SOS1: variants seen among roughly 807,000 people sequenced by gnomAD.
SOS1 encodes the protein SOS Ras/Rac guanine nucleotide exchange factor 1.
SOS1 carries 25 observed loss-of-function variants against 157.6 expected under a neutral mutation model. The ratio of observed to expected loss-of-function variants is 0.16; its 90% CI spans 0.12 to 0.22. The LOEUF (loss-of-function observed/expected upper bound fraction) is 0.22. Ranked by LOEUF, SOS1 falls within the 10% of genes least tolerant of loss-of-function variation. SOS1 has a pLI of 1.00. For missense variants in SOS1, 1,237 were observed against 1,599.1 expected, an observed-to-expected ratio of 0.77 and a Z score of 3.86; for synonymous variants, 528 against 534.0, an observed-to-expected ratio of 0.99 and a Z score of 0.16.
intron 20 of SOS1, among the ~76,000 whole-genome samples, chr2:38,989,687 T>C (rs1668672098): frequency 6.6e-6 from 1 of 152,174 alleles, no homozygotes; most frequent in East Asian, 1.9e-4. Context: ...GTGAAACAAG[T>C]AATAAGTTTA....
Position 38,983,069 on chromosome 2 carries a change from G to A in SOS1, c.*2755C>T, listed in dbSNP as rs1477187619. 1.3e-5 allele frequency: 2 copies of A among 152,052 alleles called. No individual in the cohort carries two copies. The highest frequency in any genetic ancestry group is 2.9e-5 in the Non-Finnish European group (2 of 67,998). The allele number at this position is 152,052 out of a possible 1,614,324, so 9.4% of individuals were successfully genotyped here. On this transcript the variant is annotated 3_prime_UTR_variant, in exon 23 of 23. Transcript: ENST00000402219. ...AATGTATGTTTCCTGATAATGTGTA[G>A]TCTTAAAATACATCAGCCTTGAAAT...
rs551089227 is a variant in SOS1, at chr2:39,021,495, A to G, written c.1858+1075T>C. 3.4e-5 allele frequency among the ~76,000 whole-genome samples: 5 copies of G among 148,180 alleles called. No individual in the cohort carries two copies. The East Asian group carries it at 1.0e-3, about 30-fold the overall frequency. On this transcript the variant is annotated intron_variant, in intron 10 of 22. Coordinates refer to ENST00000402219, the MANE Select transcript of SOS1 (RefSeq NM_005633.4). ...TCACTGACTTGTGACAGTAAACACT[A>G]GTAGTAAGTCTTCTTACAATGCTCT...
intron 1 of SOS1, among the ~76,000 whole-genome samples, chr2:39,094,686 CT>C (rs1672710823): frequency 6.7e-6 from 1 of 148,390 alleles, no homozygotes; most frequent in South Asian, 2.1e-4. Context: ...TAAATAAAGA[CT>C]GTGAGGGGGT....
At chr2:39,083,039 C>T (rs1445645580) in intron 1 of SOS1, among the ~76,000 whole-genome samples, 1 of 152,058 alleles carries the variant, frequency 6.6e-6, no homozygotes, top group Non-Finnish European at 1.5e-5. Flanking sequence ...TCTCAGCAGA[C>T]GTAGATAAAA....
At chr2:39,000,018 G>A (rs1669040837) in intron 17 of SOS1, among the ~76,000 whole-genome samples, 1 of 152,144 alleles carries the variant, frequency 6.6e-6, no homozygotes, top group Non-Finnish European at 1.5e-5. Flanking sequence ...GGCTGCCCTA[G>A]TGTCTGTGGG....
At position 38,982,939 on chromosome 2, in the gene SOS1, C is replaced by G. The variant is rs1668445296; in HGVS notation, c.*2885G>C. 6.6e-6 allele frequency: 1 copy of G among 152,102 alleles called. No homozygotes were observed. Among genetic ancestry groups the G allele is most frequent in the African/African-American group, 2.4e-5 (1 of 41,442 alleles). 9.4% of individuals were successfully genotyped at this position (152,102 alleles called of 1,614,324 possible). On this transcript the variant is annotated 3_prime_UTR_variant, in exon 23 of 23. Coordinates refer to ENST00000402219, the MANE Select transcript of SOS1 (RefSeq NM_005633.4). ...TTGACTGTAGTATTAGTGTGGCATG[C>G]TCTTTGTCAAATTCAGATCCATTAA...
At chr2:39,091,258 G>A (rs1424860570) in intron 1 of SOS1, among the ~76,000 whole-genome samples, 2 of 152,274 alleles carry the variant, frequency 1.3e-5, no homozygotes, top group South Asian at 2.1e-4. Flanking sequence ...GTACACATCT[G>A]TTTATTTGCT....
intron 3 of SOS1, among the ~76,000 whole-genome samples, chr2:39,057,130 C>T (rs2124608028): frequency 6.6e-6 from 1 of 152,210 alleles, no homozygotes; most frequent in Admixed American, 6.5e-5. Flanking sequence ...AATCCCTAAC[C>T]TATAAAGGAA....
chr2:39,100,641 C>T (rs557502923), intron 1 of SOS1, among the ~76,000 whole-genome samples: 3 of 152,232 alleles, frequency 2.0e-5, no homozygotes, highest in East Asian at 3.9e-4. Flanking sequence ...GCAGGCCAGG[C>T]GTGGTGACTC....
chr2:39,034,173 C>G (rs1415783549), intron 8 of SOS1, among the ~76,000 whole-genome samples: 1 of 152,176 alleles, frequency 6.6e-6, no homozygotes, highest in Non-Finnish European at 1.5e-5. Context: ...TACCTTTTAA[C>G]TCCCTTAGTC....
chr2:39,062,893 A>C (rs1240802309), intron 2 of SOS1, among the ~76,000 whole-genome samples: 1 of 152,080 alleles, frequency 6.6e-6, no homozygotes, highest in Non-Finnish European at 1.5e-5. Flanking sequence ...AAATAGATTG[A>C]AGCAATTTTT....
intron 1 of SOS1, among the ~76,000 whole-genome samples, chr2:39,095,293 CTGAGAA>C (rs1672731917): frequency 6.6e-6 from 1 of 152,122 alleles, no homozygotes; most frequent in Admixed American, 6.5e-5. Context: ...TCTCAGACTC[CTGAGAA>C]TATCTAGAGA....
At chr2:39,043,906 G>A (rs1670663955) in intron 6 of SOS1, among the ~76,000 whole-genome samples, 1 of 151,928 alleles carries the variant, frequency 6.6e-6, no homozygotes, top group Non-Finnish European at 1.5e-5. Flanking sequence ...CACAACACCT[G>A]GTCTATGCCG....
chr2:39,014,039 T>A (rs750829069), intron 11 of SOS1, 50 bp from the exon 12 acceptor site: 5 of 1,436,184 alleles, frequency 3.5e-6, no homozygotes, highest in African/African-American at 1.4e-5. Context: ...TATCGAGTTA[T>A]ACAAATAGAA....
intron 10 of SOS1, among the ~76,000 whole-genome samples, chr2:39,021,525 GAAAAAAAA>G (rs70954777): frequency 8.6e-5 from 9 of 104,704 alleles, no homozygotes; most frequent in South Asian, 6.2e-4. Context: ...TGCTCTACAG[GAAAAAAAA>G]AAAAAAAAAA....
In SOS1 at chr2:39,013,860, T is replaced by C. The variant is rs1431540653; in HGVS notation, c.2063+7A>G. On this transcript the variant is annotated splice_region_variant and intron_variant, in intron 12 of 22. Transcript: ENST00000402219. ...AGACTTATTTACTTCATTTATTTAA[T>C]GCTTACCGCAGTTGCACAGGCTGTA... is the stretch of plus-strand genomic sequence containing the variant. 8.7e-6 allele frequency: 14 copies of C among 1,609,288 alleles called. No individual in the cohort carries two copies. The highest frequency in any genetic ancestry group is 1.3e-5 in the African/African-American group (1 of 74,788).
intron 6 of SOS1, among the ~76,000 whole-genome samples, chr2:39,038,295 G>C (rs1670426354): frequency 6.6e-6 from 1 of 152,188 alleles, no homozygotes; most frequent in African/African-American, 2.4e-5. Flanking sequence ...AAAAGTTCAA[G>C]ACTTTAGTTG....
intron 6 of SOS1, among the ~76,000 whole-genome samples, chr2:39,041,430 C>G (rs1670564139): frequency 6.6e-6 from 1 of 152,134 alleles, no homozygotes; most frequent in African/African-American, 2.4e-5. Context: ...ACACTGAATA[C>G]TACTCTTATC....
At chr2:39,098,777 T>C (rs1454852446) in intron 1 of SOS1, among the ~76,000 whole-genome samples, 3 of 152,096 alleles carry the variant, frequency 2.0e-5, no homozygotes. Context: ...TGGTCCCAGC[T>C]ACTCAGGAGG....
Sources: gnomAD v4.1 joint callset for allele counts (sites outside exome capture counted in the v4.1 genomes callset) on GRCh38, gnomAD v4.1.1 for gene constraint, MANE v1.5 for transcripts, NCBI Gene and HGNC (gene_info 2026-07-23, HGNC 2026-07-21) for gene names.